ASPHD2: variants seen among roughly 807,000 people sequenced by gnomAD.
The protein encoded by ASPHD2 is aspartate beta-hydroxylase domain-containing protein 2.
A neutral mutation model predicts 34.6 loss-of-function variants in ASPHD2; 12 were observed. The observed-to-expected ratio is 0.35, with a 90% CI of 0.22 to 0.56. The LOEUF is 0.56. Ranked by LOEUF, ASPHD2 falls within the 20% of genes least tolerant of loss-of-function variation. ASPHD2 has a pLI of 0.87. For synonymous variants in ASPHD2, 224 were observed against 212.2 expected (o/e 1.06, Z -0.48); for missense variants, 375 against 505.0 (o/e 0.74, Z 2.47).
intron 1 of ASPHD2, among the ~76,000 whole-genome samples, chr22:26,431,922 G>A (rs1488873977): frequency 1.3e-5 from 2 of 152,222 alleles, no homozygotes; most frequent in Non-Finnish European, 2.9e-5. Flanking sequence ...GCAGCCAGGC[G>A]CAGTGGCTCA....
intron 2 of ASPHD2, among the ~76,000 whole-genome samples, chr22:26,434,954 G>A (rs1189456518): frequency 6.6e-6 from 1 of 152,192 alleles, no homozygotes; most frequent in Admixed American, 6.5e-5. Context: ...TCATAATGAT[G>A]TCCAGGAGGC....
chr22:26,437,509 G>C (rs573394799), intron 2 of ASPHD2, among the ~76,000 whole-genome samples: 1 of 152,302 alleles, frequency 6.6e-6, no homozygotes, highest in East Asian at 1.9e-4. Flanking sequence ...CGTACACAAT[G>C]CTGGGATATT....
chr22:26,433,327 T>G lies in ASPHD2; in HGVS notation c.-224-65T>G. The G allele has an allele frequency of 2.1e-6, 1 of 477,094 alleles. No homozygotes were observed. Among genetic ancestry groups the G allele is most frequent in the Non-Finnish European group, 3.7e-6 (1 of 266,740 alleles). The allele number at this position is 477,094 out of a possible 1,614,324, so 29.6% of individuals were successfully genotyped here. On this transcript the variant is annotated intron_variant, in intron 1 of 3. Transcript: ENST00000215906. This position sits in a 1 kb window ranked among gnomAD's most constrained non-coding sequence, Gnocchi z 5.1. Reference sequence around the variant, plus strand: ...AGGATCCTACAGAACGATCTAACACTTTACATTTCAGTTGAGGACTTTTCC... The same window carrying G: ...AGGATCCTACAGAACGATCTAACACGTTACATTTCAGTTGAGGACTTTTCC...
At chr22:26,441,604 A>G (rs1439529386) in intron 2 of ASPHD2, among the ~76,000 whole-genome samples, 1 of 151,698 alleles carries the variant, frequency 6.6e-6, no homozygotes, top group African/African-American at 2.4e-5. Context: ...AGCTTGGCCA[A>G]CATGGTGGAA....
Position 26,433,953 on chromosome 22 carries a change from G to A in ASPHD2, c.338G>A (p.Cys113Tyr). 1.2e-6 allele frequency: 2 copies of A among 1,613,536 alleles called. No homozygotes were observed. Among genetic ancestry groups the A allele is most frequent in the Non-Finnish European group, 1.7e-6 (2 of 1,180,010 alleles). ...TACGTGTACTGCCAGTCCCCTGAGT[G>A]CGTGCGCTGCACCCACAACGAGGGC... ...NGYVYCQSPE[C>Y]VRCTHNEGLN... is the part of the protein sequence containing the mutation. Residue 113 changes from cysteine to tyrosine, a missense_variant, in exon 2 of 4, where the codon TGC (cysteine) becomes TAC (tyrosine). Cys to Tyr is a radical substitution (Grantham distance 194). Around this residue, in one of 3 missense-constraint regions of ASPHD2, gnomAD observed 223 missense variants for 257.8 expected, o/e 0.87. Coordinates refer to ENST00000215906, the MANE Select transcript of ASPHD2 (RefSeq NM_020437.5). The surrounding 1 kb of genome is among the most constrained non-coding windows in gnomAD (Gnocchi z 5.1).
intron 2 of ASPHD2, among the ~76,000 whole-genome samples, chr22:26,435,711 AAAAG>A (rs1461403318): frequency 2.5e-3 from 7 of 2,752 alleles, no homozygotes; most frequent in Non-Finnish European, 4.7e-3. Flanking sequence ...TCACTGCACT[AAAAG>A]AAAAGAAAAG....
intron 2 of ASPHD2, among the ~76,000 whole-genome samples, chr22:26,439,679 C>A (rs1050969771): frequency 6.6e-6 from 1 of 152,120 alleles, no homozygotes; most frequent in Non-Finnish European, 1.5e-5. Context: ...TTATTGGTAA[C>A]AAGGATAGAA....
Position 26,433,837 on chromosome 22 carries a change from C to T in ASPHD2, c.222C>T (p.Tyr74=), listed in dbSNP as rs1439858006. 2.5e-6 allele frequency: 4 copies of T among 1,613,908 alleles called. No individual in the cohort carries two copies. In the African/African-American group the frequency reaches 4.0e-5, roughly 16 times the overall value. ...VACLLVLFVW[Y]CYHVGREQPR... Reference sequence around the variant, plus strand: ...GCCTCCTGGTCCTCTTCGTGTGGTACTGTTATCACGTGGGCAGGGAGCAGC... The same window carrying T: ...GCCTCCTGGTCCTCTTCGTGTGGTATTGTTATCACGTGGGCAGGGAGCAGC... Residue 74 remains tyrosine (Y), a synonymous_variant, in exon 2 of 4, where the codon TAC becomes TAT. Transcript: ENST00000215906. The surrounding 1 kb of genome is among the most constrained non-coding windows in gnomAD (Gnocchi z 5.1).
At chr22:26,431,471 C>T (rs1369129746) in intron 1 of ASPHD2, among the ~76,000 whole-genome samples, 1 of 151,646 alleles carries the variant, frequency 6.6e-6, no homozygotes, top group African/African-American at 2.4e-5. Flanking sequence ...CTAACCTCCC[C>T]ACTCTTGTAT....
At chr22:26,435,181 C>T (rs2084783165) in intron 2 of ASPHD2, among the ~76,000 whole-genome samples, 2 of 152,302 alleles carry the variant, frequency 1.3e-5, no homozygotes, top group South Asian at 2.1e-4. Context: ...CTCTCTGAGC[C>T]TCAATTTCAC....
intron 1 of ASPHD2, among the ~76,000 whole-genome samples, chr22:26,431,792 C>T (rs567494499): frequency 3.9e-5 from 6 of 152,312 alleles, no homozygotes; most frequent in Non-Finnish European, 5.9e-5. Context: ...CCATCCTAGC[C>T]GTCGCCTGCA....
Position 26,433,848 on chromosome 22 carries a change from T to C in ASPHD2, c.233T>C (p.Val78Ala). ...CTCTTCGTGTGGTACTGTTATCACGTGGGCAGGGAGCAGCCCCGGCCCTAC... is the reference window on the plus strand; with the variant it reads ...CTCTTCGTGTGGTACTGTTATCACGCGGGCAGGGAGCAGCCCCGGCCCTAC... The part of the protein sequence containing the change: ...LVLFVWYCYH[V>A]GREQPRPYVS... Residue 78 changes from valine to alanine, a missense_variant, in exon 2 of 4, where the codon GTG becomes GCG. Physicochemically the swap from Val to Ala is moderately conservative, Grantham distance 64. Transcript: ENST00000215906. The surrounding 1 kb of genome is among the most constrained non-coding windows in gnomAD (Gnocchi z 5.1). 6.2e-7 allele frequency: 1 copy of C among 1,613,960 alleles called. No individual in the cohort carries two copies.
intron 2 of ASPHD2, among the ~76,000 whole-genome samples, chr22:26,436,243 A>C (rs191349599): frequency 4.6e-5 from 7 of 152,376 alleles, no homozygotes; most frequent in Admixed American, 4.6e-4. Context: ...TCTCTAAAAC[A>C]GAGATGACGA....
In ASPHD2 at chr22:26,436,323, T is replaced by C. The variant is rs145069170; in HGVS notation, c.886+1822T>C. Among the ~76,000 whole-genome samples the C allele has an allele frequency of 1.6e-3, 250 of 152,308 alleles. 1 individual carries two copies. The highest frequency in any genetic ancestry group is 5.8e-3 in the African/African-American group (242 of 41,562). Reference sequence around the variant, plus strand: ...AAAATGCTTGGCAGGTAGAGGGCAGTGGACAGTAAGCTAATCTAAGTGATG... The same window carrying C: ...AAAATGCTTGGCAGGTAGAGGGCAGCGGACAGTAAGCTAATCTAAGTGATG... On this transcript the variant is annotated intron_variant, in intron 2 of 3. Transcript: ENST00000215906.
intron 2 of ASPHD2, 92 bp from the exon 3 acceptor site, chr22:26,442,367 A>G: frequency 1.0e-6 from 1 of 977,322 alleles, no homozygotes; most frequent in Non-Finnish European, 1.5e-6. Context: ...TTTAGAAGTC[A>G]AAAACTCTCA....
At chr22:26,439,703 C>T (rs1309458235) in intron 2 of ASPHD2, among the ~76,000 whole-genome samples, 1 of 152,086 alleles carries the variant, frequency 6.6e-6, no homozygotes, top group Non-Finnish European at 1.5e-5. Flanking sequence ...CCATAGCAGC[C>T]CTGGAAGGTT....
intron 1 of ASPHD2, among the ~76,000 whole-genome samples, chr22:26,430,246 T>C (rs923825549): frequency 6.6e-6 from 1 of 152,156 alleles, no homozygotes; most frequent in Admixed American, 6.5e-5. Context: ...CAGACACTCT[T>C]TGGCATTAGG....
chr22:26,439,116 A>G lies in ASPHD2; in HGVS notation c.887-3343A>G, dbSNP rs577212350. 1.4e-4 allele frequency among the ~76,000 whole-genome samples: 22 copies of G among 152,272 alleles called. No individual in the cohort carries two copies. The East Asian group carries it at 3.9e-3, about 27-fold the overall frequency. On this transcript the variant is annotated intron_variant, in intron 2 of 3. Transcript: ENST00000215906. ...GTTAACTACAAGAAAATCAGCAATC[A>G]GGCCAGGCACAGTGGCTCAAGCCTG...
chr22:26,430,254 A>G (rs62224632), intron 1 of ASPHD2, among the ~76,000 whole-genome samples: 17,474 of 152,242 alleles, frequency 0.11, 1,233 homozygotes, highest in Non-Finnish European at 0.16. Context: ...CTTTGGCATT[A>G]GGCAGCCTCT....
Sources: gnomAD v4.1 joint callset for allele counts (sites outside exome capture counted in the v4.1 genomes callset) on GRCh38, gnomAD v4.1.1 for gene constraint, gnomAD v4.1.1 regional missense constraint, Gnocchi (gnomAD v3.1) non-coding constraint, MANE v1.5 for transcripts, NCBI Gene and HGNC (gene_info 2026-07-23, HGNC 2026-07-21) for gene names.